SLC25A13: variants seen among roughly 807,000 people sequenced by gnomAD.
The protein encoded by SLC25A13 is solute carrier family 25 member 13.
A neutral mutation model predicts 85.5 loss-of-function variants in SLC25A13; 70 were observed. That is an observed-to-expected ratio of 0.82 (90% CI 0.68 to 1.00). SLC25A13 has a LOEUF of 1.00. SLC25A13 is among the 50% of genes least tolerant of loss of function. The probability of loss-of-function intolerance (pLI) is 0.00; values close to 1 mark genes in which losing one functional copy is unlikely to be tolerated. For synonymous variants in SLC25A13, 259 were observed against 288.7 expected (o/e 0.90, Z 1.04); for missense variants, 765 against 819.8 (o/e 0.93, Z 0.82).
intron 12 of SLC25A13, among the ~76,000 whole-genome samples, chr7:96,170,668 C>T (rs6954410): frequency 0.33 from 50,495 of 151,922 alleles, 8,883 homozygotes; most frequent in East Asian, 0.59. Context: ...GTATGTAGTA[C>T]AAGAAATTTT....
At chr7:96,202,727 C>A (rs1357063372) in intron 5 of SLC25A13, among the ~76,000 whole-genome samples, 1 of 152,140 alleles carries the variant, frequency 6.6e-6, no homozygotes, top group South Asian at 2.1e-4. Flanking sequence ...AAAGAGGCAG[C>A]AGAGCCAATA....
chr7:96,266,012 C>T (rs1798033145), intron 3 of SLC25A13, among the ~76,000 whole-genome samples: 2 of 152,298 alleles, frequency 1.3e-5, no homozygotes, highest in East Asian at 3.9e-4. Context: ...CCCCAAAGTT[C>T]TACCTCTTCA....
At chr7:96,168,097 T>TAA (rs1584401547) in intron 13 of SLC25A13, among the ~76,000 whole-genome samples, 2 of 7,434 alleles carry the variant, frequency 2.7e-4, no homozygotes, top group Non-Finnish European at 3.4e-4. Flanking sequence ...AAACTCTGTC[T>TAA]GAAAAAAAAA....
intron 14 of SLC25A13, among the ~76,000 whole-genome samples, chr7:96,135,878 T>TTTA (rs1554337774): frequency 6.7e-6 from 1 of 150,374 alleles, no homozygotes; most frequent in African/African-American, 2.5e-5. Context: ...TTTTTTTTTT[T>TTTA]AAACTGGTTT....
chr7:96,248,990 A>G (rs1797311121), intron 3 of SLC25A13, among the ~76,000 whole-genome samples: 1 of 152,198 alleles, frequency 6.6e-6, no homozygotes, highest in African/African-American at 2.4e-5. Flanking sequence ...ATGAAATGTT[A>G]CAAATAAGAA....
chr7:96,247,529 T>C (rs1211082350), intron 3 of SLC25A13, among the ~76,000 whole-genome samples: 1 of 152,130 alleles, frequency 6.6e-6, no homozygotes, highest in East Asian at 1.9e-4. Context: ...TATAAAATAA[T>C]TCCATCAATT....
chr7:96,280,874 G>A (rs1310441577), intron 2 of SLC25A13, among the ~76,000 whole-genome samples: 1 of 152,148 alleles, frequency 6.6e-6, no homozygotes, highest in Non-Finnish European at 1.5e-5. Context: ...ATGCTGGGCA[G>A]TATCTGCTAT....
intron 1 of SLC25A13, among the ~76,000 whole-genome samples, chr7:96,317,571 T>C (rs1800177727): frequency 6.6e-6 from 1 of 151,918 alleles, no homozygotes; most frequent in African/African-American, 2.4e-5. Context: ...ATTGGATCTT[T>C]ACTCTTCCCC....
chr7:96,182,062 A>G (rs1271143268), intron 11 of SLC25A13, among the ~76,000 whole-genome samples: 7 of 152,198 alleles, frequency 4.6e-5, no homozygotes, highest in Admixed American at 4.6e-4. Context: ...CTACATTTTC[A>G]TCTGATCTCT....
At chr7:96,285,188 T>C (rs1202321991) in intron 2 of SLC25A13, among the ~76,000 whole-genome samples, 1 of 152,182 alleles carries the variant, frequency 6.6e-6, no homozygotes, top group Middle Eastern at 3.2e-3. Flanking sequence ...AAATCAGCCA[T>C]CTTAATCAAA....
intron 3 of SLC25A13, among the ~76,000 whole-genome samples, chr7:96,264,405 T>C (rs1170999520): frequency 2.0e-5 from 3 of 152,098 alleles, no homozygotes; most frequent in African/African-American, 7.2e-5. Context: ...ATCTATTTCC[T>C]GGAAAAAAAT....
Position 96,146,576 on chromosome 7 carries a change from C to T in SLC25A13, c.1432G>A (p.Gly478Arg). The T allele has an allele frequency of 3.1e-6, 5 of 1,613,844 alleles. No individual in the cohort carries two copies. The highest frequency in any genetic ancestry group is 4.2e-6 in the Non-Finnish European group (5 of 1,179,952). The change falls in exon 14 of 18, where the codon GGG becomes AGG. Residue 478 changes from glycine to arginine, a missense_variant. Coordinates refer to ENST00000265631, the MANE Select transcript of SLC25A13 (RefSeq NM_014251.3). ...GTTACCTTGTAGATCCCAAAAAACC[C>T]CAGGTCCCGCACGACAGACAGAGCA... ...VSALSVVRDLGFFGIYKGAKA... is the reference protein window; with the variant it reads ...VSALSVVRDLRFFGIYKGAKA...
At chr7:96,145,289 T>C (rs373276639) in intron 14 of SLC25A13, among the ~76,000 whole-genome samples, 2 of 152,304 alleles carry the variant, frequency 1.3e-5, no homozygotes, top group East Asian at 3.9e-4. Context: ...TGGAGTACTC[T>C]TTCCAATCAC....
intron 1 of SLC25A13, among the ~76,000 whole-genome samples, chr7:96,306,415 C>T (rs1799745392): frequency 6.6e-6 from 1 of 152,228 alleles, no homozygotes; most frequent in Non-Finnish European, 1.5e-5. Context: ...CCTCCCTTCT[C>T]CCAACCTTCT....
At chr7:96,209,970 CA>C (rs1584459756) in intron 4 of SLC25A13, among the ~76,000 whole-genome samples, 1 of 151,712 alleles carries the variant, frequency 6.6e-6, no homozygotes, top group Non-Finnish European at 1.5e-5. Flanking sequence ...CTATTTAAAA[CA>C]AAAAAAGAAG....
intron 13 of SLC25A13, among the ~76,000 whole-genome samples, chr7:96,167,935 T>TA: frequency 6.6e-6 from 1 of 151,156 alleles, no homozygotes; most frequent in East Asian, 2.0e-4. Flanking sequence ...TAGTCTCTAC[T>TA]AAAAATGCAA....
At chr7:96,195,762 A>C (rs1795036726) in intron 5 of SLC25A13, among the ~76,000 whole-genome samples, 1 of 152,076 alleles carries the variant, frequency 6.6e-6, no homozygotes, top group South Asian at 2.1e-4. Context: ...CCCTTTCTCC[A>C]GCTCCTGAAA....
At chr7:96,143,031 C>T (rs1316920191) in intron 14 of SLC25A13, among the ~76,000 whole-genome samples, 15 of 152,178 alleles carry the variant, frequency 9.9e-5, no homozygotes, top group Admixed American at 9.8e-4. Context: ...AAGTGACCCT[C>T]CAAGGTAGAA....
chr7:96,120,287 A>G lies in SLC25A13; in HGVS notation c.*904T>C. 1 of 454,116 alleles carries G rather than the reference A, an allele frequency of 2.2e-6. No individual in the cohort carries two copies. Among genetic ancestry groups the G allele is most frequent in the South Asian group, 1.6e-5 (1 of 64,476 alleles). 28.1% of individuals were successfully genotyped at this position (454,116 alleles called of 1,614,324 possible). On this transcript the variant is annotated 3_prime_UTR_variant, in exon 18 of 18. Coordinates refer to ENST00000265631, the MANE Select transcript of SLC25A13 (RefSeq NM_014251.3). ...GCCTCTGACCATTATGCAAGGCAAC[A>G]TGAATTAAATACTTATGTCAGAACA... is the stretch of plus-strand genomic sequence containing the variant.
Sources: gnomAD v4.1 joint callset for allele counts (sites outside exome capture counted in the v4.1 genomes callset) on GRCh38, gnomAD v4.1.1 for gene constraint, MANE v1.5 for transcripts, NCBI Gene and HGNC (gene_info 2026-07-23, HGNC 2026-07-21) for gene names.